The following SCAPER variants were observed in gnomAD, a reference collection of about 807,000 sequenced individuals.
The protein encoded by SCAPER is S-phase cyclin A associated protein in the ER.
A neutral mutation model predicts 182.2 loss-of-function variants in SCAPER; 98 were observed. The ratio of observed to expected loss-of-function variants is 0.54; its 90% CI spans 0.46 to 0.64. The LOEUF (loss-of-function observed/expected upper bound fraction) is 0.64, where lower values mean the gene tolerates loss of function less well. Among genes scored for constraint, SCAPER ranks in the 30% least tolerant of loss-of-function variants. The pLI, the probability that SCAPER is intolerant of heterozygous loss-of-function variation, is 0.00. For synonymous variants in SCAPER, 605 were observed against 564.6 expected (o/e 1.07, Z -1.01); for missense variants, 1,432 against 1,690.0 (o/e 0.85, Z 2.68).
At chr15:76,529,462 G>A (rs1182117455) in intron 23 of SCAPER, among the ~76,000 whole-genome samples, 2 of 152,190 alleles carry the variant, frequency 1.3e-5, no homozygotes, top group South Asian at 2.1e-4. Flanking sequence ...TTAGCAATAT[G>A]GTAGTATGTT....
rs147219826 is a variant in SCAPER at position 76,484,923 on chromosome 15, T to C, written c.2955-13588A>G. 6.5e-3 allele frequency among the ~76,000 whole-genome samples: 982 copies of C among 151,418 alleles called. 6 individuals are homozygous for C. The highest frequency in any genetic ancestry group is 0.023 in the African/African-American group (944 of 41,448). ...ACATACCCCAAAATAATAAGAGCCA[T>C]CTATGACAAACCCACAGCCATCATA... is the stretch of plus-strand genomic sequence containing the variant. On this transcript the variant is annotated intron_variant, in intron 24 of 31. Transcript: ENST00000563290.
chr15:76,660,880 GA>G (rs1276788587), intron 21 of SCAPER, among the ~76,000 whole-genome samples: 1 of 151,284 alleles, frequency 6.6e-6, no homozygotes, highest in African/African-American at 2.4e-5. Flanking sequence ...CAATGTCCCA[GA>G]ATATAAGGTT....
chr15:76,644,960 G>A (rs2054419334), intron 21 of SCAPER, among the ~76,000 whole-genome samples: 1 of 151,574 alleles, frequency 6.6e-6, no homozygotes, highest in African/African-American at 2.4e-5. Context: ...GTAACCATAG[G>A]TTCCGTATCC....
At chr15:76,442,280 C>T (rs568353084) in intron 25 of SCAPER, among the ~76,000 whole-genome samples, 196 of 152,284 alleles carry the variant, frequency 1.3e-3, no homozygotes, top group Admixed American at 5.8e-3. Flanking sequence ...TCCCAAACAC[C>T]TTGTACATGC....
At chr15:76,389,452 G>T (rs1404022271) in intron 27 of SCAPER, among the ~76,000 whole-genome samples, 1 of 125,952 alleles carries the variant, frequency 7.9e-6, no homozygotes, top group Non-Finnish European at 1.6e-5. Context: ...AGTGAGCCGA[G>T]TTTGCATTAC....
chr15:76,745,008 T>G (rs777462099), intron 15 of SCAPER, among the ~76,000 whole-genome samples: 6 of 152,152 alleles, frequency 3.9e-5, no homozygotes, highest in Non-Finnish European at 8.8e-5. Context: ...TAGATGGAAC[T>G]GAAGGCCATA....
At chr15:76,696,235 A>T (rs1048516646) in intron 20 of SCAPER, among the ~76,000 whole-genome samples, 2 of 152,206 alleles carry the variant, frequency 1.3e-5, no homozygotes, top group Non-Finnish European at 2.9e-5. Flanking sequence ...TGGCCAAGAC[A>T]GTCAGCTTAC....
chr15:76,721,002 T>C (rs1223293583), intron 17 of SCAPER, among the ~76,000 whole-genome samples: 2 of 152,196 alleles, frequency 1.3e-5, no homozygotes, highest in East Asian at 1.9e-4. Flanking sequence ...TCCTTGCCCA[T>C]GCCTATGTCC....
At chr15:76,893,021 G>A (rs531227001) in intron 1 of SCAPER, among the ~76,000 whole-genome samples, 1 of 152,286 alleles carries the variant, frequency 6.6e-6, no homozygotes, top group African/African-American at 2.4e-5. Flanking sequence ...GTCCTTTGCA[G>A]GTACATGGAT....
At chr15:76,686,933 C>T (rs1298774443) in intron 20 of SCAPER, among the ~76,000 whole-genome samples, 1 of 152,002 alleles carries the variant, frequency 6.6e-6, no homozygotes, top group Non-Finnish European at 1.5e-5. Context: ...ATCTATCAAG[C>T]AACATTAACC....
intron 20 of SCAPER, among the ~76,000 whole-genome samples, chr15:76,675,861 A>G (rs1243072153): frequency 4.0e-5 from 6 of 151,178 alleles, no homozygotes; most frequent in Admixed American, 1.3e-4. Context: ...GTCCCACTCT[A>G]TCACCCAGGC....
chr15:76,652,285 T>A (rs2930693), intron 21 of SCAPER, among the ~76,000 whole-genome samples: 1,789 of 16,494 alleles, frequency 0.11, 385 homozygotes, highest in East Asian at 0.2. Context: ...TATATATATA[T>A]ATATATATAT....
At chr15:76,619,920 T>C (rs1020280) in intron 22 of SCAPER, among the ~76,000 whole-genome samples, 147,807 of 151,956 alleles carry the variant, frequency 0.97, 72,001 homozygotes, top group South Asian at 1. Context: ...TACTAAAATA[T>C]AAAAAATTAG....
intron 21 of SCAPER, among the ~76,000 whole-genome samples, chr15:76,634,851 T>TTGTGTG (rs34278755): frequency 7.3e-5 from 11 of 150,082 alleles, no homozygotes; most frequent in South Asian, 4.2e-4. Flanking sequence ...GTGTGGGTAT[T>TTGTGTG]TGTGTGTGTG....
At chr15:76,476,139 C>T (rs2050608003) in intron 24 of SCAPER, among the ~76,000 whole-genome samples, 2 of 152,206 alleles carry the variant, frequency 1.3e-5, no homozygotes, top group East Asian at 1.9e-4. Context: ...ATGAGGCTTT[C>T]CTGCAGCAGC....
intron 28 of SCAPER, among the ~76,000 whole-genome samples, chr15:76,378,968 T>C (rs532189556): frequency 6.6e-6 from 1 of 152,326 alleles, no homozygotes; most frequent in East Asian, 1.9e-4. Context: ...CATGACATCA[T>C]GGAGCAGAGA....
intron 22 of SCAPER, among the ~76,000 whole-genome samples, chr15:76,580,379 T>C (rs1417861406): frequency 1.3e-5 from 2 of 152,160 alleles, no homozygotes; most frequent in African/African-American, 2.4e-5. Context: ...TTGGAAACTA[T>C]ACGAACACAT....
chr15:76,821,670 C>A (rs780048762), intron 5 of SCAPER, among the ~76,000 whole-genome samples: 2 of 151,970 alleles, frequency 1.3e-5, no homozygotes, highest in East Asian at 1.9e-4. Flanking sequence ...GTGGCTCACA[C>A]CCGTAATCAA....
At chr15:76,640,114 C>T (rs376386447) in intron 21 of SCAPER, among the ~76,000 whole-genome samples, 14 of 151,992 alleles carry the variant, frequency 9.2e-5, no homozygotes, top group South Asian at 2.1e-4. Flanking sequence ...TTACTGTGAC[C>T]GCTGCTACTG....
Sources: gnomAD v4.1 joint callset for allele counts (sites outside exome capture counted in the v4.1 genomes callset) on GRCh38, gnomAD v4.1.1 for gene constraint, MANE v1.5 for transcripts, NCBI Gene and HGNC (gene_info 2026-07-23, HGNC 2026-07-21) for gene names.